TFF2: variants seen among roughly 807,000 people sequenced by gnomAD.
TFF2 encodes the protein trefoil factor 2.
Under a neutral mutation model 16.0 loss-of-function variants are expected in TFF2, and 19 were observed. The observed-to-expected ratio is 1.19, with a 90% CI of 0.83 to 1.74. TFF2 has a LOEUF of 1.74. TFF2 is among the 40% of genes most tolerant of loss of function. TFF2 has a pLI of 0.00. For missense variants in TFF2, 168 were observed against 166.8 expected, an observed-to-expected ratio of 1.01 and a Z score of -0.04; for synonymous variants, 61 against 65.4, an observed-to-expected ratio of 0.93 and a Z score of 0.32.
At chr21:42,350,204 G>A in intron 1 of TFF2, 174 bp from the exon 2 acceptor site, 1 of 1,260,330 alleles carries the variant, frequency 7.9e-7, no homozygotes, top group Non-Finnish European at 1.0e-6. Context: ...ATAGGGCTTT[G>A]CTGAAATTGT....
chr21:42,350,763 CAT>C, intron 1 of TFF2, 114 bp downstream of exon 1: 2 of 1,094,168 alleles, frequency 1.8e-6, no homozygotes, highest in African/African-American at 1.6e-5. Flanking sequence ...GAACAACACA[CAT>C]TGCCAGATGC....
At chr21:42,346,688 A>T in intron 3 of TFF2, 142 bp from the exon 4 acceptor site, 1 of 926,132 alleles carries the variant, frequency 1.1e-6, no homozygotes, top group East Asian at 2.6e-5. Context: ...AGGGGGTGTA[A>T]AGGGACCAAA....
chr21:42,347,500 G>C lies in TFF2; in HGVS notation c.362C>G (p.Pro121Arg). 6.2e-7 allele frequency: 1 copy of C among 1,614,142 alleles called. No individual in the cohort carries two copies. Among genetic ancestry groups the C allele is most frequent in the Non-Finnish European group, 8.5e-7 (1 of 1,180,012 alleles). Residue 121 changes from proline to arginine, a missense_variant, in exon 3 of 4, where the codon CCG becomes CGG. Physicochemically the swap from Pro to Arg is moderately radical, Grantham distance 103 (BLOSUM62 -2). Coordinates refer to ENST00000291526, the MANE Select transcript of TFF2 (RefSeq NM_005423.5). ...FIFEVPWCFF[P>R]KSVEDCHY ...AGCGACGTTACCTTCCACAGACTTC[G>C]GGAAGAAGCACCAGGGCACTTCAAA...
In TFF2 at chr21:42,347,571, G is replaced by C. The variant is rs1490505535; in HGVS notation, c.291C>G (p.Ser97Arg). 1 of 1,614,200 alleles carries C rather than the reference G, an allele frequency of 6.2e-7. No homozygotes were observed. Among genetic ancestry groups the C allele is most frequent in the Non-Finnish European group, 8.5e-7 (1 of 1,180,030 alleles). ...ACTTCCGAGAGGCGCATTCCTCGGGGCTGATGCCCGGGTAGCCACAGTTTC... is the reference window on the plus strand; with the variant it reads ...ACTTCCGAGAGGCGCATTCCTCGGGCCTGATGCCCGGGTAGCCACAGTTTC... ...DRRNCGYPGISPEECASRKCC... is the reference protein window; with the variant it reads ...DRRNCGYPGIRPEECASRKCC... Residue 97 changes from serine to arginine, a missense_variant, in exon 3 of 4, where the codon AGC becomes AGG. Transcript: ENST00000291526.
At chr21:42,347,415 C>T (rs1351365418) in intron 3 of TFF2, 71 bp downstream of exon 3, 11 of 1,598,708 alleles carry the variant, frequency 6.9e-6, no homozygotes, top group Middle Eastern at 1.7e-4. Context: ...CCTCCCTGCA[C>T]CCCACCTCTA....
intron 1 of TFF2, among the ~76,000 whole-genome samples, chr21:42,350,600 C>T (rs898862722): frequency 2.2e-4 from 34 of 152,266 alleles, no homozygotes; most frequent in African/African-American, 5.5e-4. Flanking sequence ...AAGATCCAGG[C>T]GAGAGGTGAG....
In TFF2 at chr21:42,346,368, T is replaced by G; in HGVS notation, c.*165A>C. Reference sequence around the variant, plus strand: ...AAACCAAAAAGAAATTTAGCAGATTTTAAGGGTTTTATTTAAAGAAATTAT... The same window carrying G: ...AAACCAAAAAGAAATTTAGCAGATTGTAAGGGTTTTATTTAAAGAAATTAT... On this transcript the variant is annotated 3_prime_UTR_variant, in exon 4 of 4. Coordinates refer to ENST00000291526, the MANE Select transcript of TFF2 (RefSeq NM_005423.5). The G allele has an allele frequency of 1.1e-6, 1 of 928,520 alleles. No individual in the cohort carries two copies. Among genetic ancestry groups the G allele is most frequent in the Admixed American group, 2.6e-5 (1 of 37,812 alleles). The allele number at this position is 928,520 out of a possible 1,614,324, so 57.5% of individuals were successfully genotyped here. A position where few individuals can be genotyped will look rare whatever the true frequency, so the allele number is the denominator to read the frequency against.
intron 1 of TFF2, chr21:42,350,264 T>A: frequency 9.2e-7 from 1 of 1,089,440 alleles, no homozygotes; most frequent in Non-Finnish European, 1.2e-6. Flanking sequence ...TGGTGGCTCA[T>A]ACCTATAATC....
At position 42,347,426 on chromosome 21, in the gene TFF2, C is replaced by T. The variant is rs574366275; in HGVS notation, c.376+60G>A. ...CTCCCCTCCCTGCACCCCACCTCTA[C>T]GGACGGAGGAGGAATCATGGTGTCC... On this transcript the variant is annotated intron_variant, in intron 3 of 3. Transcript: ENST00000291526. 11 of 1,606,984 alleles carry T rather than the reference C, an allele frequency of 6.8e-6. No individual in the cohort carries two copies. In the East Asian group the frequency reaches 8.9e-5, roughly 13 times the overall value.
chr21:42,350,028 G>C lies in TFF2; in HGVS notation c.82C>G (p.Pro28Ala). ...GGGCTCAGCCTGGAGCACTGGCAGG[G>C]GGCTGTGGAAAGACCCTCAGTCGGC... ...CALAGSEKPS[P>A]CQCSRLSPHN... Residue 28 changes from proline (P) to alanine (A), a missense_variant and splice_region_variant, in exon 2 of 4, where the codon CCC becomes GCC. Physicochemically the swap from Pro to Ala is conservative, Grantham distance 27. Transcript: ENST00000291526. 1 of 1,597,148 alleles carries C rather than the reference G, an allele frequency of 6.3e-7. No individual in the cohort carries two copies.
chr21:42,347,414 AC>A, intron 3 of TFF2, 71 bp downstream of exon 3: 1 of 1,598,716 alleles, frequency 6.3e-7, no homozygotes, highest in South Asian at 1.1e-5. Context: ...CCCTCCCTGC[AC>A]CCCACCTCTA....
At chr21:42,347,744 G>A in intron 2 of TFF2, 112 bp from the exon 3 acceptor site, 1 of 1,387,444 alleles carries the variant, frequency 7.2e-7, no homozygotes, top group Non-Finnish European at 9.7e-7. Flanking sequence ...CGTGGATCAT[G>A]AGGTGCTGCC....
chr21:42,348,219 CA>C (rs1472013052), intron 2 of TFF2, among the ~76,000 whole-genome samples: 1 of 146,364 alleles, frequency 6.8e-6, no homozygotes, highest in Non-Finnish European at 1.5e-5. Flanking sequence ...GACACACACA[CA>C]ACCTTCCTTT....
intron 2 of TFF2, among the ~76,000 whole-genome samples, chr21:42,347,958 A>G (rs1242060910): frequency 1.3e-5 from 2 of 152,104 alleles, no homozygotes; most frequent in Non-Finnish European, 2.9e-5. Context: ...GCCTCTCGGG[A>G]CTCAGTGTTC....
At chr21:42,350,647 C>T (rs972518703) in intron 1 of TFF2, among the ~76,000 whole-genome samples, 1 of 152,310 alleles carries the variant, frequency 6.6e-6, no homozygotes, top group Non-Finnish European at 1.5e-5. Context: ...TGGGAATGCC[C>T]TCCTGGCCCG....
rs538954796 is a variant in TFF2, at chr21:42,347,481, G to T, written c.376+5C>A. On this transcript the variant is annotated splice_donor_5th_base_variant and intron_variant, in intron 3 of 3. Transcript: ENST00000291526. ...ACCAGACAGAGAGTCCCACAGCGAC[G>T]TTACCTTCCACAGACTTCGGGAAGA... The T allele has an allele frequency of 1.5e-5, 24 of 1,614,112 alleles. No homozygotes were observed. The African/African-American group carries it at 2.4e-4, about 16-fold the overall frequency.
rs1215945582 is a variant in TFF2, at chr21:42,347,370, T to C, written c.376+116A>G. The C allele has an allele frequency of 3.6e-6, 5 of 1,380,886 alleles. No individual in the cohort carries two copies. The Admixed American group carries it at 5.7e-5, about 16-fold the overall frequency. The allele number at this position is 1,380,886 out of a possible 1,614,324, so 85.5% of individuals were successfully genotyped here. On this transcript the variant is annotated intron_variant, in intron 3 of 3. Transcript: ENST00000291526. ...AGAATCCCATAGGAGGCAGGGGCCC[T>C]GGCCTCGATGGCACTGAGGCTGCGA...
At chr21:42,348,755 C>T (rs546018377) in intron 2 of TFF2, among the ~76,000 whole-genome samples, 1 of 150,890 alleles carries the variant, frequency 6.6e-6, no homozygotes, top group African/African-American at 2.4e-5. Flanking sequence ...GACTAACCAA[C>T]CTAACCAACC....
intron 2 of TFF2, among the ~76,000 whole-genome samples, chr21:42,348,642 T>C (rs1205152104): frequency 2.6e-5 from 4 of 150,970 alleles, no homozygotes; most frequent in Non-Finnish European, 1.5e-5. Context: ...TCCAGACTAG[T>C]CCCAGACTAA....
Sources: gnomAD v4.1 joint callset for allele counts (sites outside exome capture counted in the v4.1 genomes callset) on GRCh38, gnomAD v4.1.1 for gene constraint, MANE v1.5 for transcripts, NCBI Gene and HGNC (gene_info 2026-07-23, HGNC 2026-07-21) for gene names.